The following LCK variants were observed in gnomAD, a reference collection of about 807,000 sequenced individuals.
LCK encodes tyrosine-protein kinase Lck.
In LCK, 14 loss-of-function variants were observed where a neutral mutation model predicts 64.6. The observed-to-expected ratio is 0.22, with a 90% CI of 0.14 to 0.34. The LOEUF is 0.34. LCK is among the 10% of genes least tolerant of loss of function. The pLI is 1.00. For synonymous variants in LCK, 277 were observed against 263.6 expected (o/e 1.05, Z -0.49); for missense variants, 434 against 668.1 (o/e 0.65, Z 3.86).
Position 32,275,634 on chromosome 1 carries a change from A to T in LCK, c.443A>T (p.His148Leu), listed in dbSNP as rs1015545475. ...CAGCTCCTGGCGCCCGGGAACACTC[A>T]CGGCTCCTTCCTCATCCGGGAGAGC... ...ERQLLAPGNT[H>L]GSFLIRESES... Residue 148 changes from histidine (H) to leucine (L), a missense_variant, in exon 6 of 13, where the codon CAC becomes CTC. By Grantham distance (99) the His-to-Leu change is moderately conservative. This residue lies in a region of LCK where 233 missense variants were observed against 291.2 expected (regional missense o/e 0.80). Transcript: ENST00000336890. This position sits in a 1 kb window ranked among gnomAD's most constrained non-coding sequence, Gnocchi z 6.9. The T allele has an allele frequency of 1.3e-6, 2 of 1,571,846 alleles. No individual in the cohort carries two copies. The highest frequency in any genetic ancestry group is 3.8e-5 in the Admixed American group (2 of 53,312).
intron 1 of LCK, among the ~76,000 whole-genome samples, chr1:32,253,353 C>T (rs1429261003): frequency 2.0e-5 from 3 of 152,120 alleles, no homozygotes; most frequent in Non-Finnish European, 4.4e-5. Context: ...CAGAGCGAAA[C>T]CCCATCTCAA....
At chr1:32,274,245 A>G in intron 1 of LCK, 80 bp from the exon 2 acceptor site, 1 of 1,607,926 alleles carries the variant, frequency 6.2e-7, no homozygotes, top group South Asian at 1.1e-5. Context: ...GGAACTTTCC[A>G]GGGCAAGGCC....
chr1:32,278,881 C>A (rs1640362992), intron 9 of LCK, among the ~76,000 whole-genome samples: 1 of 152,184 alleles, frequency 6.6e-6, no homozygotes, highest in Non-Finnish European at 1.5e-5. Context: ...GTTTTAATCT[C>A]TTGGGAAGGG....
chr1:32,265,268 G>A (rs1459733554), intron 1 of LCK, among the ~76,000 whole-genome samples: 1 of 152,068 alleles, frequency 6.6e-6, no homozygotes, highest in Non-Finnish European at 1.5e-5. Context: ...AAGAAACAAA[G>A]TATAGTGGAA....
intron 1 of LCK, among the ~76,000 whole-genome samples, chr1:32,259,147 C>T (rs976251156): frequency 6.6e-6 from 1 of 151,840 alleles, no homozygotes; most frequent in Non-Finnish European, 1.5e-5. Flanking sequence ...CCTGTAATCC[C>T]AGCACTTTAA....
intron 12 of LCK, among the ~76,000 whole-genome samples, chr1:32,281,892 G>T (rs558794710): frequency 6.6e-6 from 1 of 151,688 alleles, no homozygotes; most frequent in Admixed American, 6.6e-5. Flanking sequence ...GTGAAACCCC[G>T]TCTCTACTAA....
chr1:32,285,438 A>T, intron 12 of LCK, 76 bp from the exon 13 acceptor site: 2 of 1,308,026 alleles, frequency 1.5e-6, no homozygotes, highest in South Asian at 1.2e-5. Flanking sequence ...TGTGCCAGTT[A>T]AATATTCCGA....
chr1:32,267,837 T>C (rs972388743), intron 1 of LCK, among the ~76,000 whole-genome samples: 5 of 148,474 alleles, frequency 3.4e-5, no homozygotes, highest in Non-Finnish European at 6.0e-5. Context: ...GATATTGCAG[T>C]GAGCCGAGAT....
intron 1 of LCK, among the ~76,000 whole-genome samples, chr1:32,252,569 C>T (rs1639533327): frequency 6.6e-6 from 1 of 152,170 alleles, no homozygotes; most frequent in Non-Finnish European, 1.5e-5. Flanking sequence ...AACATGGTGG[C>T]TCTCCTCGCA....
Position 32,275,268 on chromosome 1 carries a change from G to A in LCK, c.279-53G>A. On this transcript the variant is annotated intron_variant, in intron 4 of 12. Transcript: ENST00000336890. The surrounding 1 kb of genome is among the most constrained non-coding windows in gnomAD (Gnocchi z 6.9). ...AAGGGGTGGAGGGGTCTTTGAGGGAGGGTCTCAGGTCGACGGCTGAGCGAG... is the reference window on the plus strand; with the variant it reads ...AAGGGGTGGAGGGGTCTTTGAGGGAAGGTCTCAGGTCGACGGCTGAGCGAG... 1 of 1,578,800 alleles carries A rather than the reference G, an allele frequency of 6.3e-7. No homozygotes were observed. Among genetic ancestry groups the A allele is most frequent in the East Asian group, 2.2e-5 (1 of 44,676 alleles).
intron 12 of LCK, among the ~76,000 whole-genome samples, chr1:32,284,496 A>G (rs1264002478): frequency 6.6e-6 from 1 of 151,748 alleles, no homozygotes; most frequent in Non-Finnish European, 1.5e-5. Flanking sequence ...CAGCCTCCCA[A>G]ATAGCTGGGA....
At chr1:32,259,290 A>AAAAG (rs1491114668) in intron 1 of LCK, among the ~76,000 whole-genome samples, 1 of 80 alleles carries the variant, frequency 0.013, no homozygotes, top group East Asian at 0.17. Flanking sequence ...CTTCTCAGGT[A>AAAAG]AAAAAAAAAA....
intron 1 of LCK, among the ~76,000 whole-genome samples, chr1:32,270,208 C>T (rs1490942367): frequency 6.6e-6 from 1 of 151,230 alleles, no homozygotes; most frequent in Non-Finnish European, 1.5e-5. Flanking sequence ...CAACCTCCAC[C>T]TCTTGAGTTC....
chr1:32,272,627 G>A (rs866012184), intron 1 of LCK, among the ~76,000 whole-genome samples: 6 of 142,848 alleles, frequency 4.2e-5, no homozygotes, highest in African/African-American at 1.4e-4. Context: ...GAGAGAAAGA[G>A]AGAGAGAGAG....
Position 32,275,652 on chromosome 1 carries a change from G to A in LCK, c.461G>A (p.Arg154Gln). The change falls in exon 6 of 13, where the codon CGG becomes CAG. Residue 154 changes from arginine to glutamine, a missense_variant. Physicochemically the swap from Arg to Gln is conservative, Grantham distance 43. Coordinates refer to ENST00000336890, the MANE Select transcript of LCK (RefSeq NM_005356.5). This position sits in a 1 kb window ranked among gnomAD's most constrained non-coding sequence, Gnocchi z 6.9. ...AACACTCACGGCTCCTTCCTCATCC[G>A]GGAGAGCGAGAGCACCGCGGGTGAG... ...PGNTHGSFLI[R>Q]ESESTAGSFS... 1 of 1,566,564 alleles carries A rather than the reference G, an allele frequency of 6.4e-7. No individual in the cohort carries two copies. The highest frequency in any genetic ancestry group is 8.6e-7 in the Non-Finnish European group (1 of 1,157,044).
rs760961393 is a variant in LCK at position 32,274,904 on chromosome 1, C to T, written c.187+86C>T. On this transcript the variant is annotated intron_variant, in intron 3 of 12. Transcript: ENST00000336890. Reference sequence around the variant, plus strand: ...ACCTCTCCCCCACCTACTTTCTCCCCGGTCTTGCCTTCCTTGTCCCCCACC... The same window carrying T: ...ACCTCTCCCCCACCTACTTTCTCCCTGGTCTTGCCTTCCTTGTCCCCCACC... 5.6e-6 allele frequency: 9 copies of T among 1,613,900 alleles called. No homozygotes were observed. In the Admixed American group the frequency reaches 1.3e-4, roughly 24 times the overall value.
intron 1 of LCK, among the ~76,000 whole-genome samples, chr1:32,268,303 AT>A (rs1321490836): frequency 6.6e-6 from 1 of 151,998 alleles, no homozygotes; most frequent in African/African-American, 2.4e-5. Flanking sequence ...AAAATTTATT[AT>A]TATTATTCAT....
chr1:32,264,437 G>T (rs904552624), intron 1 of LCK, among the ~76,000 whole-genome samples: 3 of 151,654 alleles, frequency 2.0e-5, no homozygotes, highest in African/African-American at 7.3e-5. Context: ...TGGGAGAAGC[G>T]CTTGAGCCCA....
chr1:32,267,535 C>T (rs2124332641), intron 1 of LCK, among the ~76,000 whole-genome samples: 1 of 151,664 alleles, frequency 6.6e-6, no homozygotes, highest in Middle Eastern at 3.4e-3. Context: ...TCGAGGAGGG[C>T]AGATCACCTG....
Sources: gnomAD v4.1 joint callset for allele counts (sites outside exome capture counted in the v4.1 genomes callset) on GRCh38, gnomAD v4.1.1 for gene constraint, gnomAD v4.1.1 regional missense constraint, Gnocchi (gnomAD v3.1) non-coding constraint, MANE v1.5 for transcripts, NCBI Gene and HGNC (gene_info 2026-07-23, HGNC 2026-07-21) for gene names.